Variants in SORCS3 observed in about 807,000 individuals in gnomAD.
SORCS3 encodes VPS10 domain-containing receptor SorCS3.
Under a neutral mutation model 146.3 loss-of-function variants are expected in SORCS3, and 57 were observed. The ratio of observed to expected loss-of-function variants is 0.39; its 90% CI spans 0.31 to 0.49. The LOEUF is 0.49. Among genes scored for constraint, SORCS3 ranks in the 20% least tolerant of loss-of-function variants. The probability of loss-of-function intolerance (pLI) is 0.92; values close to 1 mark genes in which losing one functional copy is unlikely to be tolerated. For missense variants in SORCS3, 1,341 were observed against 1,575.5 expected (o/e 0.85, Z 2.52); for synonymous variants, 653 against 618.5 (o/e 1.06, Z -0.83).
At chr10:105,209,281 C>T (rs11192364) in intron 16 of SORCS3, among the ~76,000 whole-genome samples, 49,095 of 151,848 alleles carry the variant, frequency 0.32, 8,038 homozygotes, top group South Asian at 0.44. Context: ...GCTGGGATTA[C>T]AAGCTCCTGC....
intron 20 of SORCS3, among the ~76,000 whole-genome samples, chr10:105,241,710 C>T (rs1407164123): frequency 6.6e-6 from 1 of 152,126 alleles, no homozygotes; most frequent in Non-Finnish European, 1.5e-5. Context: ...AGGTCATCTC[C>T]TCCCTGACTT....
intron 19 of SORCS3, among the ~76,000 whole-genome samples, chr10:105,219,257 C>T (rs932113764): frequency 1.1e-4 from 16 of 152,142 alleles, no homozygotes; most frequent in East Asian, 5.8e-4. Flanking sequence ...CTAGAGGAAA[C>T]GAGGCAGAAG....
intron 5 of SORCS3, among the ~76,000 whole-genome samples, chr10:105,047,365 T>C (rs1430985784): frequency 6.6e-6 from 1 of 152,110 alleles, no homozygotes; most frequent in African/African-American, 2.4e-5. Flanking sequence ...ACGGAAGGAA[T>C]GTCTCCAATG....
At chr10:105,189,634 C>T (rs564619975) in intron 14 of SORCS3, among the ~76,000 whole-genome samples, 3 of 152,254 alleles carry the variant, frequency 2.0e-5, no homozygotes, top group Non-Finnish European at 4.4e-5. Flanking sequence ...ATATGGCACA[C>T]CATGACTCTG....
intron 1 of SORCS3, among the ~76,000 whole-genome samples, chr10:104,820,617 G>A (rs922772237): frequency 1.3e-5 from 2 of 152,060 alleles, no homozygotes; most frequent in Non-Finnish European, 2.9e-5. Context: ...TGTTCTGTTT[G>A]GTCATGCCTA....
chr10:104,793,339 T>C (rs2017515998), intron 1 of SORCS3, among the ~76,000 whole-genome samples: 1 of 152,208 alleles, frequency 6.6e-6, no homozygotes, highest in Non-Finnish European at 1.5e-5. Flanking sequence ...TAGTTTTTTA[T>C]GGTTGAAAGA....
intron 1 of SORCS3, among the ~76,000 whole-genome samples, chr10:104,686,730 G>A (rs1026468195): frequency 2.0e-5 from 3 of 152,064 alleles, no homozygotes; most frequent in Non-Finnish European, 4.4e-5. Flanking sequence ...TGCACATGAT[G>A]GAAAAGATCC....
intron 4 of SORCS3, among the ~76,000 whole-genome samples, chr10:105,007,347 C>T (rs1391241019): frequency 1.3e-5 from 2 of 152,068 alleles, no homozygotes; most frequent in Non-Finnish European, 2.9e-5. Context: ...ACAATTAATA[C>T]CAGGCAGTGG....
intron 3 of SORCS3, among the ~76,000 whole-genome samples, chr10:104,935,989 G>A (rs1020244934): frequency 2.0e-5 from 3 of 152,156 alleles, no homozygotes; most frequent in Non-Finnish European, 4.4e-5. Context: ...CATCAGGTCT[G>A]TGTCCTAGAA....
intron 1 of SORCS3, among the ~76,000 whole-genome samples, chr10:104,702,599 T>G (rs2016292981): frequency 6.6e-6 from 1 of 152,232 alleles, no homozygotes; most frequent in African/African-American, 2.4e-5. Flanking sequence ...GATACAGTTT[T>G]TAAGTGATGT....
chr10:104,789,723 C>T (rs1001696711), intron 1 of SORCS3, among the ~76,000 whole-genome samples: 1 of 152,304 alleles, frequency 6.6e-6, no homozygotes, highest in South Asian at 2.1e-4. Flanking sequence ...GATATGCATT[C>T]AGTGAAAAAT....
At chr10:105,166,580 G>T (rs1368911044) in intron 12 of SORCS3, among the ~76,000 whole-genome samples, 1 of 152,140 alleles carries the variant, frequency 6.6e-6, no homozygotes, top group Non-Finnish European at 1.5e-5. Context: ...TGGATGGTTG[G>T]ATGGAATACT....
chr10:104,728,119 G>GT (rs948719185), intron 1 of SORCS3, among the ~76,000 whole-genome samples: 51 of 149,702 alleles, frequency 3.4e-4, no homozygotes, highest in Middle Eastern at 3.4e-3. Context: ...ATACCATCAG[G>GT]TTTTTTTTTC....
chr10:104,678,218 T>A (rs1052413349), intron 1 of SORCS3, among the ~76,000 whole-genome samples: 2 of 152,038 alleles, frequency 1.3e-5, no homozygotes, highest in Non-Finnish European at 2.9e-5. Context: ...TAAAAAGCCC[T>A]ATTTGATCAA....
intron 17 of SORCS3, among the ~76,000 whole-genome samples, chr10:105,214,165 GGT>G (rs1480300669): frequency 1.3e-5 from 2 of 152,202 alleles, no homozygotes; most frequent in East Asian, 3.9e-4. Flanking sequence ...TTCCTTGTCT[GGT>G]TTAGACACTG....
At chr10:104,793,726 A>G (rs2017519431) in intron 1 of SORCS3, among the ~76,000 whole-genome samples, 1 of 152,204 alleles carries the variant, frequency 6.6e-6, no homozygotes, top group African/African-American at 2.4e-5. Context: ...AGCAAGCTGA[A>G]AGGAAGAAGA....
At chr10:104,881,622 G>T (rs919547547) in intron 2 of SORCS3, among the ~76,000 whole-genome samples, 1 of 152,128 alleles carries the variant, frequency 6.6e-6, no homozygotes, top group African/African-American at 2.4e-5. Context: ...GGAAGGGTGG[G>T]TATTGTTCCC....
At chr10:104,993,300 G>T (rs2055005477) in intron 4 of SORCS3, among the ~76,000 whole-genome samples, 1 of 152,192 alleles carries the variant, frequency 6.6e-6, no homozygotes, top group South Asian at 2.1e-4. Flanking sequence ...TTCCTTTGTG[G>T]TTGTTCTTCC....
At chr10:104,816,286 A>G (rs950635949) in intron 1 of SORCS3, among the ~76,000 whole-genome samples, 1 of 152,232 alleles carries the variant, frequency 6.6e-6, no homozygotes. Context: ...GCATTTTGGC[A>G]TTTCAGAAAT....
Sources: allele counts gnomAD v4.1 joint callset (sites outside exome capture counted in the v4.1 genomes callset), GRCh38; gene constraint gnomAD v4.1.1; transcripts MANE v1.5; gene names NCBI Gene and HGNC (gene_info 2026-07-23, HGNC 2026-07-21).